Variants in PARM1 observed in about 807,000 individuals in gnomAD.
PARM1 encodes the protein WSC4, cell wall integrity and stress response component 4 homolog.
In PARM1, 14 loss-of-function variants were observed where a neutral mutation model predicts 24.6. That is an observed-to-expected ratio of 0.57 (90% CI 0.38 to 0.89). The LOEUF is 0.89. Ranked by LOEUF, PARM1 falls within the 40% of genes least tolerant of loss-of-function variation. The probability of loss-of-function intolerance (pLI) is 0.00; values close to 1 mark genes in which losing one functional copy is unlikely to be tolerated. For missense variants in PARM1, 362 were observed against 380.4 expected (o/e 0.95, Z 0.40); for synonymous variants, 179 against 156.6 (o/e 1.14, Z -1.07).
chr4:74,952,279 G>A (rs144905074), intron 1 of PARM1, among the ~76,000 whole-genome samples: 1,807 of 152,190 alleles, frequency 0.012, 29 homozygotes, highest in African/African-American at 0.041. Flanking sequence ...GCTTTTTAAT[G>A]GGGTTGTTTA....
chr4:75,049,093 A>G lies in PARM1; in HGVS notation c.*2846A>G, dbSNP rs1381631831. 1.3e-5 allele frequency: 2 copies of G among 152,220 alleles called. No homozygotes were observed. The highest frequency in any genetic ancestry group is 2.9e-5 in the Non-Finnish European group (2 of 68,042). 9.4% of individuals were successfully genotyped at this position (152,220 alleles called of 1,614,324 possible). ...TGGATAGGTCTAGTCATAACACTTT[A>G]GAGAGAATGTCAGAGCAGGAGGGAG... On this transcript the variant is annotated 3_prime_UTR_variant, in exon 4 of 4. Coordinates refer to ENST00000307428, the MANE Select transcript of PARM1 (RefSeq NM_015393.4).
intron 2 of PARM1, among the ~76,000 whole-genome samples, chr4:75,016,992 C>T (rs1040244217): frequency 6.6e-6 from 1 of 152,170 alleles, no homozygotes; most frequent in Non-Finnish European, 1.5e-5. Flanking sequence ...CCTCAATTCT[C>T]AGCCTGTGCC....
intron 1 of PARM1, among the ~76,000 whole-genome samples, chr4:74,990,080 A>G (rs1722437262): frequency 6.6e-6 from 1 of 152,216 alleles, no homozygotes; most frequent in South Asian, 2.1e-4. Flanking sequence ...ATCAAGTAAT[A>G]GTAAGAGACT....
chr4:75,041,305 A>G (rs1444795067), intron 3 of PARM1, among the ~76,000 whole-genome samples: 1 of 152,240 alleles, frequency 6.6e-6, no homozygotes, highest in Admixed American at 6.5e-5. Flanking sequence ...ATGGACAACA[A>G]GAGTCTAAGG....
chr4:74,982,977 A>T lies in PARM1; in HGVS notation c.44-29448A>T, dbSNP rs1233785529. On this transcript the variant is annotated intron_variant, in intron 1 of 3. Coordinates refer to ENST00000307428, the MANE Select transcript of PARM1 (RefSeq NM_015393.4). ...CTGTTAACACTGCAACAGGAAAAAA[A>T]AGTTGAATCTCTACTGCCTTACCTC... Among the ~76,000 whole-genome samples, 3 of 152,302 alleles carry T rather than the reference A, an allele frequency of 2.0e-5. No homozygotes were observed. In the East Asian group the frequency reaches 5.8e-4, roughly 29 times the overall value.
At chr4:75,008,703 A>G (rs1560790446) in intron 1 of PARM1, among the ~76,000 whole-genome samples, 1 of 152,208 alleles carries the variant, frequency 6.6e-6, no homozygotes, top group Non-Finnish European at 1.5e-5. Flanking sequence ...AGCACTTATC[A>G]TCTCATATTA....
intron 3 of PARM1, among the ~76,000 whole-genome samples, chr4:75,041,634 T>C (rs1723487074): frequency 6.6e-6 from 1 of 152,228 alleles, no homozygotes; most frequent in Admixed American, 6.5e-5. Context: ...CATTAAGTAT[T>C]GATGCTACAG....
chr4:74,989,797 G>T (rs1722429282), intron 1 of PARM1, among the ~76,000 whole-genome samples: 1 of 152,098 alleles, frequency 6.6e-6, no homozygotes, highest in South Asian at 2.1e-4. Flanking sequence ...GCACACAAAA[G>T]ACACTATTAT....
At chr4:74,997,087 C>A (rs1722588652) in intron 1 of PARM1, among the ~76,000 whole-genome samples, 1 of 152,194 alleles carries the variant, frequency 6.6e-6, no homozygotes, top group South Asian at 2.1e-4. Flanking sequence ...ACCAGGCTGA[C>A]ATGCTTGTGC....
At chr4:75,034,300 A>G (rs1044074873) in intron 3 of PARM1, among the ~76,000 whole-genome samples, 17 of 152,102 alleles carry the variant, frequency 1.1e-4, no homozygotes, top group African/African-American at 4.1e-4. Flanking sequence ...AAACTCACCT[A>G]TTCTCATCTG....
chr4:74,947,398 A>G (rs551599559), intron 1 of PARM1, among the ~76,000 whole-genome samples: 117 of 152,352 alleles, frequency 7.7e-4, no homozygotes, highest in African/African-American at 2.8e-3. Context: ...TGACAGAGGT[A>G]GGAGGAATTT....
intron 2 of PARM1, among the ~76,000 whole-genome samples, chr4:75,032,726 C>G (rs939365963): frequency 1.3e-5 from 2 of 152,196 alleles, no homozygotes; most frequent in African/African-American, 4.8e-5. Context: ...GTAAATAGTT[C>G]ATGGTCACAC....
chr4:74,959,012 A>C (rs997060301), intron 1 of PARM1, among the ~76,000 whole-genome samples: 4 of 152,196 alleles, frequency 2.6e-5, no homozygotes, highest in Admixed American at 2.0e-4. Flanking sequence ...AACTCTCTGT[A>C]ATGATGAAAA....
chr4:75,045,347 T>C (rs1723579971), intron 3 of PARM1, among the ~76,000 whole-genome samples: 1 of 152,216 alleles, frequency 6.6e-6, no homozygotes. Flanking sequence ...TGATTTGGCT[T>C]TTACTCTGAG....
chr4:74,955,131 TTTTGA>T (rs1246928475), intron 1 of PARM1, among the ~76,000 whole-genome samples: 4 of 152,312 alleles, frequency 2.6e-5, no homozygotes, highest in Non-Finnish European at 4.4e-5. Flanking sequence ...CATAAGTTTA[TTTTGA>T]TTTAACAGGG....
chr4:74,965,950 A>G lies in PARM1; in HGVS notation c.43+32580A>G, dbSNP rs544475695. On this transcript the variant is annotated intron_variant, in intron 1 of 3. Transcript: ENST00000307428. ...TTTTAAAAACTGGTGAAATTCAAAT[A>G]AAGTCTAGATTTTAGTTAATAGCCA... Among the ~76,000 whole-genome samples the G allele has an allele frequency of 1.1e-4, 17 of 152,346 alleles. No homozygotes were observed. In the South Asian group the frequency reaches 3.1e-3, roughly 28 times the overall value.
At chr4:74,953,018 C>T (rs558003965) in intron 1 of PARM1, among the ~76,000 whole-genome samples, 29 of 152,284 alleles carry the variant, frequency 1.9e-4, no homozygotes, top group South Asian at 4.1e-4. Flanking sequence ...AATTCACTTT[C>T]CCTCCCCACA....
At chr4:75,029,786 G>C (rs753123563) in intron 2 of PARM1, among the ~76,000 whole-genome samples, 13 of 151,890 alleles carry the variant, frequency 8.6e-5, no homozygotes, top group Non-Finnish European at 1.6e-4. Context: ...CATAGGAGTA[G>C]GTACTCAGGT....
chr4:75,013,230 G>A, intron 2 of PARM1, 80 bp downstream of exon 2: 1 of 1,431,634 alleles, frequency 7.0e-7, no homozygotes, highest in East Asian at 2.3e-5. Context: ...AAACACAATG[G>A]AAAATTTGAA....
Sources: allele counts gnomAD v4.1 joint callset (sites outside exome capture counted in the v4.1 genomes callset), GRCh38; gene constraint gnomAD v4.1.1; transcripts MANE v1.5; gene names NCBI Gene and HGNC (gene_info 2026-07-23, HGNC 2026-07-21).